PAQR8: variants seen among roughly 807,000 people sequenced by gnomAD.
The protein encoded by PAQR8 is progestin and adipoQ receptor family member 8.
A neutral mutation model predicts 25.2 loss-of-function variants in PAQR8; 17 were observed. That is an observed-to-expected ratio of 0.67 (90% CI 0.46 to 1.01). The LOEUF (loss-of-function observed/expected upper bound fraction) is 1.01, where lower values mean the gene tolerates loss of function less well. Among genes scored for constraint, PAQR8 ranks in the 50% least tolerant of loss-of-function variants. The pLI is 0.00. For synonymous variants in PAQR8, 204 were observed against 190.6 expected (o/e 1.07, Z -0.58); for missense variants, 392 against 448.4 (o/e 0.87, Z 1.14).
At chr6:52,390,746 AC>A (rs1343870869) in intron 1 of PAQR8, among the ~76,000 whole-genome samples, 25 of 152,124 alleles carry the variant, frequency 1.6e-4, no homozygotes, top group Admixed American at 1.6e-3. Context: ...CCAATAGCTT[AC>A]CCTATGGCAA....
At position 52,403,810 on chromosome 6, in the gene PAQR8, T is replaced by C; in HGVS notation, c.597T>C (p.Tyr199=). 6.2e-7 allele frequency: 1 copy of C among 1,614,230 alleles called. No individual in the cohort carries two copies. Among genetic ancestry groups the C allele is most frequent in the Non-Finnish European group, 8.5e-7 (1 of 1,180,046 alleles). Residue 199 remains tyrosine (Y), a synonymous_variant, in exon 2 of 2, where the codon TAT becomes TAC. Transcript: ENST00000442253. ...LSCAGCCYAK[Y]RYRRPYPVMR... ...GTGCTGGCTGTTGCTATGCCAAATA[T>C]CGTTACCGGAGGCCTTATCCAGTCA... is the stretch of plus-strand genomic sequence containing the variant.
chr6:52,395,272 CA>C (rs34239055), intron 1 of PAQR8, among the ~76,000 whole-genome samples: 32,327 of 92,740 alleles, frequency 0.35, 2,498 homozygotes, highest in Admixed American at 0.45. Context: ...GACTTCGTCT[CA>C]AAAAAAAAAA....
chr6:52,381,412 A>G (rs771277306), intron 1 of PAQR8, among the ~76,000 whole-genome samples: 2 of 152,236 alleles, frequency 1.3e-5, no homozygotes, highest in Non-Finnish European at 2.9e-5. Context: ...GTTCAAGATC[A>G]GCCTGGTCAA....
At chr6:52,365,643 A>G (rs1403921283) in intron 1 of PAQR8, among the ~76,000 whole-genome samples, 1 of 152,198 alleles carries the variant, frequency 6.6e-6, no homozygotes, top group Non-Finnish European at 1.5e-5. Flanking sequence ...AGGTAATGAT[A>G]TTCCCTTCAG....
chr6:52,377,609 T>C (rs1381603666), intron 1 of PAQR8, among the ~76,000 whole-genome samples: 2 of 152,138 alleles, frequency 1.3e-5, no homozygotes. Flanking sequence ...ATTAGGACTT[T>C]TGTTTAAGAG....
rs141226085 is a variant in PAQR8 at position 52,378,353 on chromosome 6, A to G, written c.-53+16104A>G. On this transcript the variant is annotated intron_variant, in intron 1 of 1. Transcript: ENST00000442253. ...GGAACAAGAAGCACAGGACAGAAGT[A>G]GGGTTAGTGGAAGAAGCTTGATTCT... 3.3e-3 allele frequency among the ~76,000 whole-genome samples: 507 copies of G among 152,382 alleles called. 2 individuals are homozygous for G. Among genetic ancestry groups the G allele is most frequent in the African/African-American group, 0.012 (496 of 41,600 alleles).
At chr6:52,379,619 C>CTTTTTTTTTTTTTTTTTTTGT (rs1763528549) in intron 1 of PAQR8, among the ~76,000 whole-genome samples, 1 of 77,236 alleles carries the variant, frequency 1.3e-5, no homozygotes. Context: ...ACCCAGCTTT[C>CTTTTTTTTTTTTTTTTTTTGT]TTTTTTTTTT....
chr6:52,378,363 G>A (rs1442336960), intron 1 of PAQR8, among the ~76,000 whole-genome samples: 1 of 152,256 alleles, frequency 6.6e-6, no homozygotes, highest in Admixed American at 6.5e-5. Flanking sequence ...AGGGTTAGTG[G>A]AAGAAGCTTG....
chr6:52,364,114 G>T (rs1763325709), intron 1 of PAQR8, among the ~76,000 whole-genome samples: 1 of 72,924 alleles, frequency 1.4e-5, no homozygotes, highest in Admixed American at 1.8e-4. Context: ...GCGGGTGTGT[G>T]TATGCACCAG....
In PAQR8 at chr6:52,383,284, C is replaced by G. The variant is rs188185346; in HGVS notation, c.-52-19878C>G. Among the ~76,000 whole-genome samples the G allele has an allele frequency of 1.4e-4, 22 of 152,346 alleles. No homozygotes were observed. In the East Asian group the frequency reaches 4.2e-3, roughly 29 times the overall value. On this transcript the variant is annotated intron_variant, in intron 1 of 1. Coordinates refer to ENST00000442253, the MANE Select transcript of PAQR8 (RefSeq NM_133367.5). ...AAAAATGAAGGAGAAAGTCACAGTTCAGGTTTAGGAATAGCAAATGGTATA... is the reference window on the plus strand; with the variant it reads ...AAAAATGAAGGAGAAAGTCACAGTTGAGGTTTAGGAATAGCAAATGGTATA...
chr6:52,376,752 C>A (rs1763489515), intron 1 of PAQR8, among the ~76,000 whole-genome samples: 1 of 152,286 alleles, frequency 6.6e-6, no homozygotes, highest in South Asian at 2.1e-4. Flanking sequence ...TTATTTTCTG[C>A]ATCTTTTTGG....
chr6:52,374,347 G>A (rs561261207), intron 1 of PAQR8, among the ~76,000 whole-genome samples: 1 of 152,182 alleles, frequency 6.6e-6, no homozygotes, highest in African/African-American at 2.4e-5. Context: ...TTGTCATTGG[G>A]ATCACTGCAC....
At chr6:52,370,653 A>G (rs1284248090) in intron 1 of PAQR8, among the ~76,000 whole-genome samples, 2 of 152,350 alleles carry the variant, frequency 1.3e-5, no homozygotes, top group Middle Eastern at 3.4e-3. Flanking sequence ...AGATCTTGAA[A>G]GAAGAAGAAT....
intron 1 of PAQR8, among the ~76,000 whole-genome samples, chr6:52,377,338 G>A (rs1334759684): frequency 6.6e-6 from 1 of 151,932 alleles, no homozygotes; most frequent in Non-Finnish European, 1.5e-5. Context: ...TTTATTTTAA[G>A]TATATGATTC....
chr6:52,387,880 C>T (rs115685096), intron 1 of PAQR8, among the ~76,000 whole-genome samples: 88 of 152,354 alleles, frequency 5.8e-4, no homozygotes, highest in Non-Finnish European at 8.4e-4. Context: ...TTTTCATAGG[C>T]GTGCCAATCC....
intron 1 of PAQR8, among the ~76,000 whole-genome samples, chr6:52,396,798 A>C (rs988443818): frequency 3.9e-5 from 6 of 152,222 alleles, no homozygotes; most frequent in African/African-American, 1.4e-4. Context: ...GGACGAGTCA[A>C]GTCTGGGTTG....
chr6:52,379,552 A>G (rs1200140173), intron 1 of PAQR8, among the ~76,000 whole-genome samples: 1 of 143,952 alleles, frequency 6.9e-6, no homozygotes, highest in South Asian at 2.2e-4. Context: ...CCTGGGTTCA[A>G]GTGATTTTCC....
intron 1 of PAQR8, among the ~76,000 whole-genome samples, chr6:52,374,600 A>G (rs9382103): frequency 0.064 from 9,740 of 152,136 alleles, 433 homozygotes; most frequent in South Asian, 0.11. Context: ...GGGTCTTGCT[A>G]TGTTGGTGCC....
At chr6:52,399,666 T>TCTATAGTCACTGGGGTTATACCCAGTGA (rs1763808454) in intron 1 of PAQR8, among the ~76,000 whole-genome samples, 1 of 152,160 alleles carries the variant, frequency 6.6e-6, no homozygotes, top group Non-Finnish European at 1.5e-5. Flanking sequence ...GATTCCTTCT[T>TCTATAGTCACTGGGGTTATACCCAGTGA]CTATAGTCAC....
Sources: gnomAD v4.1 joint callset for allele counts (sites outside exome capture counted in the v4.1 genomes callset) on GRCh38, gnomAD v4.1.1 for gene constraint, MANE v1.5 for transcripts, NCBI Gene and HGNC (gene_info 2026-07-23, HGNC 2026-07-21) for gene names.